Variants in SUPT20H observed in about 807,000 individuals in gnomAD.
The protein encoded by SUPT20H is SPT20 homolog, SAGA complex component, also known as transcription factor SPT20 homolog.
In SUPT20H, 82 loss-of-function variants were observed where a neutral mutation model predicts 122.8. The ratio of observed to expected loss-of-function variants is 0.67; its 90% confidence interval spans 0.56 to 0.80. The LOEUF is 0.80. Ranked by LOEUF, SUPT20H falls within the 30% of genes least tolerant of loss-of-function variation. SUPT20H has a pLI of 0.00. For missense variants in SUPT20H, 831 were observed against 921.6 expected (o/e 0.90, Z 1.27); for synonymous variants, 291 against 313.0 (o/e 0.93, Z 0.74).
intron 7 of SUPT20H, among the ~76,000 whole-genome samples, chr13:37,040,961 A>G (rs2065354363): frequency 6.6e-6 from 1 of 152,254 alleles, no homozygotes; most frequent in African/African-American, 2.4e-5. Context: ...CCAAGTCAAC[A>G]GTTTGACTTT....
At chr13:37,013,263 A>G (rs1351593068) in intron 23 of SUPT20H, 3 of 152,132 alleles carry the variant, frequency 2.0e-5, no homozygotes, top group African/African-American at 7.2e-5. Flanking sequence ...TAGATTAATG[A>G]AACAGAACAG....
intron 24 of SUPT20H, 50 bp from the exon 25 acceptor site, chr13:37,010,705 ACC>A: frequency 7.4e-7 from 1 of 1,352,050 alleles, no homozygotes; most frequent in Non-Finnish European, 1.1e-6. Flanking sequence ...TTTGAAGGCT[ACC>A]AGGGTTAGAA....
chr13:37,039,448 T>C (rs965637507), intron 9 of SUPT20H: 1 of 152,142 alleles, frequency 6.6e-6, no homozygotes, highest in African/African-American at 2.4e-5. Context: ...TTTTCTGGGA[T>C]GCTCAAGACA....
chr13:37,009,908 G>A, intron 25 of SUPT20H, 99 bp from the exon 26 acceptor site: 1 of 1,489,450 alleles, frequency 6.7e-7, no homozygotes, highest in Non-Finnish European at 8.9e-7. Flanking sequence ...GAAAAAGGGA[G>A]AAAGCACCAA....
intron 1 of SUPT20H, among the ~76,000 whole-genome samples, chr13:37,053,938 A>C (rs949922628): frequency 1.1e-4 from 17 of 152,158 alleles, no homozygotes; most frequent in South Asian, 6.2e-4. Context: ...AAGGGGATAT[A>C]ACCACCGATC....
At chr13:37,040,773 C>T in intron 7 of SUPT20H, 81 bp from the exon 8 acceptor site, 1 of 1,053,474 alleles carries the variant, frequency 9.5e-7, no homozygotes, top group Non-Finnish European at 1.5e-6. Context: ...ATTTCGCATT[C>T]TTTACATTCA....
intron 23 of SUPT20H, 59 bp from the exon 24 acceptor site, chr13:37,012,356 A>G: frequency 7.3e-7 from 1 of 1,370,276 alleles, no homozygotes; most frequent in Non-Finnish European, 1.0e-6. Flanking sequence ...TGAGCTGGTG[A>G]AAAGAAATCA....
At chr13:37,016,415 G>A (rs375784197) in intron 23 of SUPT20H, among the ~76,000 whole-genome samples, 3 of 142,112 alleles carry the variant, frequency 2.1e-5, no homozygotes, top group Admixed American at 1.5e-4. Context: ...GGGCAACAGC[G>A]CGAGACTCTG....
At chr13:37,048,742 T>G in intron 2 of SUPT20H, 143 bp from the exon 3 acceptor site, 2 of 575,586 alleles carry the variant, frequency 3.5e-6, no homozygotes, top group Non-Finnish European at 5.8e-6. Context: ...CTATGATCAA[T>G]ATATATATAA....
chr13:37,026,082 G>A (rs2062206955), intron 16 of SUPT20H, 122 bp downstream of exon 16: 1 of 741,572 alleles, frequency 1.3e-6, no homozygotes, highest in Non-Finnish European at 2.2e-6. Flanking sequence ...ATTAAACAGT[G>A]TAAATATGGT....
intron 13 of SUPT20H, 84 bp downstream of exon 13, chr13:37,029,681 G>A: frequency 1.7e-6 from 2 of 1,145,822 alleles, no homozygotes; most frequent in South Asian, 1.5e-5. Context: ...CAAACTAATG[G>A]CAATTGCACT....
At chr13:37,026,862 C>T in intron 14 of SUPT20H, 46 bp from the exon 15 acceptor site, 3 of 1,260,394 alleles carry the variant, frequency 2.4e-6, no homozygotes, top group Non-Finnish European at 3.2e-6. Flanking sequence ...GCAGCTCAAA[C>T]TTTAACTTCA....
Position 37,017,356 on chromosome 13 carries a change from A to G in SUPT20H, c.1881T>C (p.Gly627=). The G allele has an allele frequency of 1.2e-6, 2 of 1,609,262 alleles. No homozygotes were observed. Among genetic ancestry groups the G allele is most frequent in the South Asian group, 1.1e-5 (1 of 89,458 alleles). ...GCAGAGTGTTAAAAATAAGTGAACC[A>G]CCTGGAAGCTATTAAGAATTTAAAC... ...LRPLNLLQLP[G]GSLIFNTLQQ... Residue 627 remains glycine, a synonymous_variant, in exon 23 of 26, where the codon GGT becomes GGC. Coordinates refer to ENST00000350612, the MANE Select transcript of SUPT20H (RefSeq NM_001014286.3).
chr13:37,034,017 A>G (rs2063890930), intron 9 of SUPT20H, among the ~76,000 whole-genome samples: 1 of 152,200 alleles, frequency 6.6e-6, no homozygotes, highest in Admixed American at 6.5e-5. Context: ...AAATCAAGAA[A>G]TGATGTATGT....
intron 1 of SUPT20H, among the ~76,000 whole-genome samples, chr13:37,053,996 G>T (rs1275164054): frequency 3.3e-5 from 5 of 152,252 alleles, no homozygotes; most frequent in Admixed American, 3.3e-4. Flanking sequence ...ACACCTCTAC[G>T]CAAATAAACT....
Position 37,026,825 on chromosome 13 carries a change from T to C in SUPT20H, c.1152-9A>G, listed in dbSNP as rs2062367635. ...GATCATCTGTGGACGAGCTGAAATA[T>C]AAAATGTAAAAAAAAGCTTAGTTAA... On this transcript the variant is annotated splice_polypyrimidine_tract_variant and intron_variant, in intron 14 of 25. Transcript: ENST00000350612. The C allele has an allele frequency of 1.4e-6, 2 of 1,427,926 alleles. No homozygotes were observed. The highest frequency in any genetic ancestry group is 1.9e-6 in the Non-Finnish European group (2 of 1,078,394). The allele number at this position is 1,427,926 out of a possible 1,614,324, so 88.5% of individuals were successfully genotyped here.
chr13:37,012,059 T>TAC, intron 24 of SUPT20H, 133 bp downstream of exon 24: 1 of 655,600 alleles, frequency 1.5e-6, no homozygotes, highest in South Asian at 2.2e-5. Context: ...TTTAATAGTT[T>TAC]ACACATTATA....
chr13:37,029,698 T>G, intron 13 of SUPT20H, 67 bp downstream of exon 13: 1 of 1,409,944 alleles, frequency 7.1e-7, no homozygotes, highest in Non-Finnish European at 9.8e-7. Flanking sequence ...CACTTTATGT[T>G]TAATAAATTC....
At chr13:37,015,774 T>C (rs901537239) in intron 23 of SUPT20H, among the ~76,000 whole-genome samples, 6 of 152,146 alleles carry the variant, frequency 3.9e-5, no homozygotes, top group Admixed American at 6.5e-5. Context: ...AGGTGGAAGA[T>C]ACCCAAGTAT....
Sources: gnomAD v4.1 joint callset for allele counts (sites outside exome capture counted in the v4.1 genomes callset) on GRCh38, gnomAD v4.1.1 for gene constraint, MANE v1.5 for transcripts, NCBI Gene and HGNC (gene_info 2026-07-23, HGNC 2026-07-21) for gene names.